BEX3: variants seen among roughly 807,000 people sequenced by gnomAD.
BEX3 encodes brain expressed X-linked 3.
In BEX3, 1 loss-of-function variant was observed where a neutral mutation model predicts 6.1. The observed-to-expected ratio is 0.16, with a 90% CI of 0.06 to 0.78. The LOEUF (loss-of-function observed/expected upper bound fraction) is 0.78, where lower values mean the gene tolerates loss of function less well. BEX3 is among the 30% of genes least tolerant of loss of function. The pLI is 0.75. For synonymous variants in BEX3, 33 were observed against 25.2 expected, an observed-to-expected ratio of 1.31 and a Z score of -0.93; for missense variants, 49 against 84.7, an observed-to-expected ratio of 0.58 and a Z score of 1.65.
Position 103,377,907 on chromosome X carries a change from T to C in BEX3, c.*80T>C. On this transcript the variant is annotated 3_prime_UTR_variant, in exon 3 of 3. Transcript: ENST00000361298. ...TTGCATTTTCCTAATATGCCTTTAC[T>C]GATCCGTTTGCTGTGAACCCTATGT... is the stretch of plus-strand genomic sequence containing the variant. 1.3e-6 allele frequency: 1 copy of C among 775,967 alleles called. No homozygotes were observed. The highest frequency in any genetic ancestry group is 1.9e-6 in the Non-Finnish European group (1 of 529,461). 63.9% of individuals were successfully genotyped at this position (775,967 alleles called of 1,213,427 possible).
At chrX:103,377,430 C>G (rs1366244409) in intron 2 of BEX3, 80 bp from the exon 3 acceptor site, 21 of 1,106,400 alleles carry the variant, frequency 1.9e-5, no homozygotes, top group Non-Finnish European at 2.3e-5. Context: ...CATTCAGTCT[C>G]TCTCCTTGCC....
chrX:103,377,995 C>T lies in BEX3; in HGVS notation c.*168C>T, dbSNP rs1927290716. On this transcript the variant is annotated 3_prime_UTR_variant, in exon 3 of 3. Coordinates refer to ENST00000361298, the MANE Select transcript of BEX3 (RefSeq NM_206917.3). Reference sequence around the variant, plus strand: ...TCTATTTGAAGATTGCCTTTGCACTCAGTGTAAGTTTCTGTCAGCAGTAGT... The same window carrying T: ...TCTATTTGAAGATTGCCTTTGCACTTAGTGTAAGTTTCTGTCAGCAGTAGT... 1 of 419,382 alleles carries T rather than the reference C, an allele frequency of 2.4e-6. No individual in the cohort carries two copies. The highest frequency in any genetic ancestry group is 4.1e-6 in the Non-Finnish European group (1 of 242,825). 34.6% of individuals were successfully genotyped at this position (419,382 alleles called of 1,213,427 possible).
At chrX:103,376,899 C>T (rs1385958512) in intron 1 of BEX3, 129 bp from the exon 2 acceptor site, 1 of 107,671 alleles carries the variant, frequency 9.3e-6, no homozygotes, top group Non-Finnish European at 1.9e-5. Context: ...GGGCGGGAGA[C>T]GCGGGGCGCT....
Position 103,377,504 on chromosome X carries a change from C to T in BEX3, c.-12-6C>T. The stretch of plus-strand genomic sequence containing the variant: ...AAAAAATCTCATCATGGCAAATATT[C>T]ACCAGGAAAACGAAGAGATGGAGCA... On this transcript the variant is annotated splice_polypyrimidine_tract_variant and splice_region_variant and intron_variant, in intron 2 of 2. Transcript: ENST00000361298. The T allele has an allele frequency of 3.3e-6, 4 of 1,197,320 alleles. No homozygotes were observed. Among genetic ancestry groups the T allele is most frequent in the Non-Finnish European group, 4.5e-6 (4 of 889,802 alleles).
rs1396719069 is a variant in BEX3, at chrX:103,376,745, C to A, written c.-92+132C>A. The A allele has an allele frequency of 2.0e-5, 4 of 201,063 alleles. No homozygotes were observed. The South Asian group carries it at 9.5e-4, about 48-fold the overall frequency. The allele number at this position is 201,063 out of a possible 1,213,427, so 16.6% of individuals were successfully genotyped here. A position where few individuals can be genotyped will look rare whatever the true frequency, so the allele number is the denominator to read the frequency against. ...CCCAACATGCTTGGGAACACAGAGG[C>A]CCCCAGGGATGGGGAAGCAGGGGCG... On this transcript the variant is annotated intron_variant, in intron 1 of 2. Coordinates refer to ENST00000361298, the MANE Select transcript of BEX3 (RefSeq NM_206917.3).
At position 103,377,598 on chromosome X, in the gene BEX3, G is replaced by A. The variant is rs1927274567; in HGVS notation, c.77G>A (p.Arg26Gln). 4.1e-6 allele frequency: 5 copies of A among 1,211,758 alleles called. No individual in the cohort carries two copies. In the East Asian group the frequency reaches 1.5e-4, roughly 36 times the overall value. ...GAAGGCCACCAGCCTGCAGGAAATC[G>A]ACGGGGACAGGCTCGCCGACTTGCC... ...GGEGHQPAGN[R>Q]RGQARRLAPN... The change falls in exon 3 of 3, where the codon CGA (arginine) becomes CAA (glutamine). Residue 26 changes from arginine to glutamine, a missense_variant. Arg to Gln is a conservative substitution (Grantham distance 43). Coordinates refer to ENST00000361298, the MANE Select transcript of BEX3 (RefSeq NM_206917.3).
rs762891771 is a variant in BEX3, at chrX:103,377,904, T to C, written c.*77T>C. 2.5e-6 allele frequency: 2 copies of C among 785,652 alleles called. No homozygotes were observed. Among genetic ancestry groups the C allele is most frequent in the African/African-American group, 4.2e-5 (2 of 47,981 alleles). 64.7% of individuals were successfully genotyped at this position (785,652 alleles called of 1,213,427 possible). On this transcript the variant is annotated 3_prime_UTR_variant, in exon 3 of 3. Transcript: ENST00000361298. ...TCCTTGCATTTTCCTAATATGCCTT[T>C]ACTGATCCGTTTGCTGTGAACCCTA... is the stretch of plus-strand genomic sequence containing the variant.
At chrX:103,376,375 G>C (rs1259797657), upstream of BEX3, 1 of 630,915 alleles carries the variant, frequency 1.6e-6, no homozygotes, top group African/African-American at 2.4e-5. Flanking sequence ...GCAGACGGGA[G>C]TAGGGAGGCT....
chrX:103,377,841 T>A lies in BEX3; in HGVS notation c.*14T>A. The A allele has an allele frequency of 9.0e-7, 1 of 1,111,715 alleles. No individual in the cohort carries two copies. Among genetic ancestry groups the A allele is most frequent in the South Asian group, 2.0e-5 (1 of 49,628 alleles). 91.6% of individuals were successfully genotyped at this position (1,111,715 alleles called of 1,213,427 possible). Reference sequence around the variant, plus strand: ...CTTATGCCTTGACTCCTGCCATTTATCATGAGATTAATACTGTGATTCCCG... The same window carrying A: ...CTTATGCCTTGACTCCTGCCATTTAACATGAGATTAATACTGTGATTCCCG... On this transcript the variant is annotated 3_prime_UTR_variant, in exon 3 of 3. Coordinates refer to ENST00000361298, the MANE Select transcript of BEX3 (RefSeq NM_206917.3).
chrX:103,376,541 C>A lies in BEX3; in HGVS notation c.-164C>A, dbSNP rs894017232. 1.6e-5 allele frequency: 12 copies of A among 753,671 alleles called. No individual in the cohort carries two copies. Among genetic ancestry groups the A allele is most frequent in the Non-Finnish European group, 1.9e-5 (12 of 638,894 alleles). 62.1% of individuals were successfully genotyped at this position (753,671 alleles called of 1,213,427 possible). A position where few individuals can be genotyped will look rare whatever the true frequency, so the allele number is the denominator to read the frequency against. On this transcript the variant is annotated 5_prime_UTR_variant, in exon 1 of 3. Coordinates refer to ENST00000361298, the MANE Select transcript of BEX3 (RefSeq NM_206917.3). ...CGCAGCCTTCGGTGCAGTCGTCACT[C>A]GCGTCTGGCTACCAGCTCCCCGCTG...
upstream of BEX3, chrX:103,376,387 T>C: frequency 1.4e-6 from 1 of 715,694 alleles, no homozygotes; most frequent in Non-Finnish European, 1.7e-6. Context: ...AGGGAGGCTG[T>C]TTTTTGCGCG....
chrX:103,377,657 A>T lies in BEX3; in HGVS notation c.136A>T (p.Ile46Phe), dbSNP rs762848608. 1 of 1,209,339 alleles carries T rather than the reference A, an allele frequency of 8.3e-7. No homozygotes were observed. The highest frequency in any genetic ancestry group is 1.8e-5 in the African/African-American group (1 of 56,939). ...TCGATGGGCCATACCCAATAGGCAG[A>T]TCAATGATGGGATGGGTGGAGATGG... is the stretch of plus-strand genomic sequence containing the variant. Reference protein sequence around the residue: ...NFRWAIPNRQINDGMGGDGDD... With the variant: ...NFRWAIPNRQFNDGMGGDGDD... Residue 46 changes from isoleucine (I) to phenylalanine (F), a missense_variant, in exon 3 of 3, where the codon ATC (isoleucine) becomes TTC (phenylalanine). Physicochemically the swap from Ile to Phe is conservative, Grantham distance 21. Transcript: ENST00000361298.
At chrX:103,376,453 C>G, upstream of BEX3, 4 of 751,955 alleles carry the variant, frequency 5.3e-6, no homozygotes, top group Non-Finnish European at 6.3e-6. Flanking sequence ...ACTGGCCGCC[C>G]AAGTTGGGGG....
In BEX3 at chrX:103,377,516, G is replaced by C; in HGVS notation, c.-6G>C. On this transcript the variant is annotated 5_prime_UTR_variant, in exon 3 of 3. Transcript: ENST00000361298. ...CATGGCAAATATTCACCAGGAAAAC[G>C]AAGAGATGGAGCAGCCTATGCAGAA... 1.7e-6 allele frequency: 2 copies of C among 1,198,688 alleles called. No individual in the cohort carries two copies. Among genetic ancestry groups the C allele is most frequent in the South Asian group, 3.7e-5 (2 of 54,515 alleles).
At chrX:103,377,156 C>A in intron 2 of BEX3, 50 bp downstream of exon 2, 1 of 278,691 alleles carries the variant, frequency 3.6e-6, no homozygotes, top group Admixed American at 6.5e-5. Context: ...TAAGGAAAGC[C>A]CAGTCTGAGA....
chrX:103,377,713 G>A lies in BEX3; in HGVS notation c.192G>A (p.Met64Ile), dbSNP rs2147714726. ...GDDMEIFMEE[M>I]REIRRKLREL... ...ATATGGAAATATTCATGGAGGAGATGAGAGAAATCAGAAGAAAACTTAGGG... is the reference window on the plus strand; with the variant it reads ...ATATGGAAATATTCATGGAGGAGATAAGAGAAATCAGAAGAAAACTTAGGG... Residue 64 changes from methionine (M) to isoleucine (I), a missense_variant, in exon 3 of 3, where the codon ATG (methionine) becomes ATA (isoleucine). Met to Ile is a conservative substitution (Grantham distance 10). Coordinates refer to ENST00000361298, the MANE Select transcript of BEX3 (RefSeq NM_206917.3). The A allele has an allele frequency of 8.3e-7, 1 of 1,211,217 alleles. No homozygotes were observed. The highest frequency in any genetic ancestry group is 1.8e-5 in the South Asian group (1 of 56,932).
At chrX:103,376,339 G>A (rs1927219198), upstream of BEX3, 1 of 359,190 alleles carries the variant, frequency 2.8e-6, no homozygotes, top group Admixed American at 9.3e-5. Context: ...AAGAGTGACA[G>A]GGCTGTGCGC....
Position 103,377,789 on chromosome X carries a change from C to T in BEX3, c.268C>T (p.His90Tyr), listed in dbSNP as rs931617589. Residue 90 changes from histidine to tyrosine, a missense_variant, in exon 3 of 3, where the codon CAC becomes TAC. His to Tyr is a moderately conservative substitution (Grantham distance 83). Coordinates refer to ENST00000361298, the MANE Select transcript of BEX3 (RefSeq NM_206917.3). The stretch of plus-strand genomic sequence containing the variant: ...TATCCTTATGGGGGAGCTCTCTAAT[C>T]ACCATGACCATCATGATGAATTTTG... ...LRILMGELSNHHDHHDEFCLM... is the reference protein window; with the variant it reads ...LRILMGELSNYHDHHDEFCLM... The T allele has an allele frequency of 1.2e-5, 14 of 1,205,908 alleles. No homozygotes were observed. The highest frequency in any genetic ancestry group is 4.6e-4 in the Middle Eastern group (2 of 4,324).
intron 1 of BEX3, 109 bp downstream of exon 1, chrX:103,376,722 C>T (rs1927234167): frequency 7.3e-6 from 2 of 274,046 alleles, no homozygotes; most frequent in African/African-American, 5.9e-5. Flanking sequence ...CTCCACACCC[C>T]AACATGCTTG....
Sources: allele counts gnomAD v4.1 joint callset, GRCh38; gene constraint gnomAD v4.1.1; transcripts MANE v1.5; gene names NCBI Gene and HGNC (gene_info 2026-07-23, HGNC 2026-07-21).